The following TBC1D22A variants were observed in gnomAD, a reference collection of about 807,000 sequenced individuals.
TBC1D22A encodes the protein TBC1 domain family member 22A, also known as putative GTPase activator.
In TBC1D22A, 38 loss-of-function variants were observed where a neutral mutation model predicts 60.2. That is an observed-to-expected ratio of 0.63 (90% CI 0.49 to 0.83). TBC1D22A has a LOEUF of 0.83. TBC1D22A is among the 40% of genes least tolerant of loss of function. The pLI, the probability that TBC1D22A is intolerant of heterozygous loss-of-function variation, is 0.00. For missense variants in TBC1D22A, 628 were observed against 701.0 expected, an observed-to-expected ratio of 0.90 and a Z score of 1.18; for synonymous variants, 302 against 281.7, an observed-to-expected ratio of 1.07 and a Z score of -0.72.
Position 47,103,031 on chromosome 22 carries a change from CT to C in TBC1D22A, c.1330-8475del, listed in dbSNP as rs149223497. ...TATTTAAAAGGAAAGACACACATTTCTTCCCCCCTCTCCCAAACCCTCACCC... is the reference window on the plus strand; with the variant it reads ...TATTTAAAAGGAAAGACACACATTTCTCCCCCCTCTCCCAAACCCTCACCC... On this transcript the variant is annotated intron_variant, in intron 11 of 12. Transcript: ENST00000337137. 3.2e-3 allele frequency among the ~76,000 whole-genome samples: 486 copies of C among 152,280 alleles called. 1 individual carries two copies. The highest frequency in any genetic ancestry group is 6.8e-3 in the Middle Eastern group (2 of 294).
At chr22:46,827,513 A>G (rs1025341507) in intron 4 of TBC1D22A, among the ~76,000 whole-genome samples, 2 of 152,170 alleles carry the variant, frequency 1.3e-5, no homozygotes, top group African/African-American at 4.8e-5. Context: ...TACCTTTTGA[A>G]CATGCGTGTA....
intron 4 of TBC1D22A, among the ~76,000 whole-genome samples, chr22:46,858,565 C>G (rs1439493692): frequency 6.6e-6 from 1 of 152,208 alleles, no homozygotes; most frequent in South Asian, 2.1e-4. Context: ...GCATGCCATC[C>G]GTGTTCCTGC....
intron 8 of TBC1D22A, among the ~76,000 whole-genome samples, chr22:46,973,730 T>G (rs2074172957): frequency 6.6e-6 from 1 of 152,236 alleles, no homozygotes; most frequent in Admixed American, 6.5e-5. Flanking sequence ...TTGTGTTTTC[T>G]CATTCGGTTT....
At chr22:46,931,190 CT>C (rs1398581318) in intron 8 of TBC1D22A, among the ~76,000 whole-genome samples, 1 of 152,194 alleles carries the variant, frequency 6.6e-6, no homozygotes, top group African/African-American at 2.4e-5. Flanking sequence ...CATTATCTGG[CT>C]TTTCTTAATG....
In TBC1D22A at chr22:46,833,626, A is replaced by G. The variant is rs145705433; in HGVS notation, c.637+36006A>G. Among the ~76,000 whole-genome samples the G allele has an allele frequency of 4.0e-3, 604 of 152,344 alleles. 3 individuals are homozygous for G. Among genetic ancestry groups the G allele is most frequent in the African/African-American group, 0.014 (585 of 41,578 alleles). ...AATATTCAAAGGAAGGGAGGAACAC[A>G]TCTGGCTGGAGTGATCAGGAACATT... On this transcript the variant is annotated intron_variant, in intron 4 of 12. Transcript: ENST00000337137.
At chr22:46,792,887 C>T (rs1016791287) in intron 2 of TBC1D22A, 49 of 1,420,566 alleles carry the variant, frequency 3.4e-5, no homozygotes, top group African/African-American at 5.8e-5. Flanking sequence ...GCTGGCTTGT[C>T]CTTTCCCCTC....
At chr22:46,896,045 A>T (rs780625029) in intron 7 of TBC1D22A, among the ~76,000 whole-genome samples, 1 of 151,550 alleles carries the variant, frequency 6.6e-6, no homozygotes, top group African/African-American at 2.4e-5. Flanking sequence ...ATGCTGTGGG[A>T]CTTCCTGTTT....
chr22:47,136,558 G>T (rs557035955), intron 12 of TBC1D22A, among the ~76,000 whole-genome samples: 1 of 152,224 alleles, frequency 6.6e-6, no homozygotes, highest in East Asian at 1.9e-4. Flanking sequence ...ACCCGGGGAC[G>T]GGGGACCAGG....
At chr22:47,074,409 TG>T (rs1261332762) in intron 11 of TBC1D22A, among the ~76,000 whole-genome samples, 3 of 152,214 alleles carry the variant, frequency 2.0e-5, no homozygotes, top group Non-Finnish European at 4.4e-5. Context: ...CCATGACAAC[TG>T]AGGAGGTGCT....
At chr22:47,064,170 C>T (rs1016475067) in intron 11 of TBC1D22A, among the ~76,000 whole-genome samples, 3 of 152,238 alleles carry the variant, frequency 2.0e-5, no homozygotes, top group Admixed American at 6.5e-5. Flanking sequence ...AGGGCTGATG[C>T]GTTGCCGTTG....
rs902208016 is a variant in TBC1D22A at position 46,935,599 on chromosome 22, C to G, written c.1015+23411C>G. Among the ~76,000 whole-genome samples the G allele has an allele frequency of 3.3e-5, 5 of 152,340 alleles. No individual in the cohort carries two copies. The East Asian group carries it at 9.7e-4, about 29-fold the overall frequency. On this transcript the variant is annotated intron_variant, in intron 8 of 12. Transcript: ENST00000337137. The stretch of plus-strand genomic sequence containing the variant: ...TCTCCCTGTGATTCCGTCTCGCCCC[C>G]CTCCTTTCCGAGTCTAGGAGTCTTG...
intron 12 of TBC1D22A, among the ~76,000 whole-genome samples, chr22:47,141,934 C>T (rs138461048): frequency 5.3e-4 from 80 of 152,254 alleles, no homozygotes; most frequent in African/African-American, 1.7e-3. Flanking sequence ...TGGCATGAAA[C>T]GTATTTGGAT....
chr22:46,768,028 G>A (rs1214370132), intron 1 of TBC1D22A: 1 of 152,852 alleles, frequency 6.5e-6, no homozygotes, highest in East Asian at 1.9e-4. Flanking sequence ...GGATATCTTT[G>A]GCTGCTGTAC....
intron 12 of TBC1D22A, among the ~76,000 whole-genome samples, chr22:47,133,514 G>A (rs738665): frequency 0.73 from 110,742 of 152,176 alleles, 40,676 homozygotes; most frequent in East Asian, 0.97. Flanking sequence ...TCCCAATGCC[G>A]TTGTGAAATT....
intron 4 of TBC1D22A, among the ~76,000 whole-genome samples, chr22:46,857,977 C>T (rs1172115324): frequency 6.6e-6 from 1 of 152,062 alleles, no homozygotes; most frequent in African/African-American, 2.4e-5. Flanking sequence ...TTTCCTTTCT[C>T]TCGGGGATAT....
At chr22:46,789,051 T>C (rs1569033495) in intron 1 of TBC1D22A, 1 of 163,458 alleles carries the variant, frequency 6.1e-6, no homozygotes, top group Non-Finnish European at 1.3e-5. Context: ...CGTGCTGTTT[T>C]GTTTGTCTCA....
At chr22:47,022,642 G>A (rs1009028829) in intron 10 of TBC1D22A, among the ~76,000 whole-genome samples, 5 of 152,152 alleles carry the variant, frequency 3.3e-5, no homozygotes, top group Non-Finnish European at 7.4e-5. Flanking sequence ...ATCAATGCAC[G>A]GATGTGAGGT....
At chr22:47,076,359 G>GTATATATA (rs1375339824) in intron 11 of TBC1D22A, among the ~76,000 whole-genome samples, 15 of 85,170 alleles carry the variant, frequency 1.8e-4, no homozygotes, top group African/African-American at 5.2e-4. Flanking sequence ...ATATATGTGT[G>GTATATATA]TGTATATATA....
chr22:46,799,398 T>A (rs2084800014), intron 4 of TBC1D22A, among the ~76,000 whole-genome samples: 1 of 152,222 alleles, frequency 6.6e-6, no homozygotes, highest in Admixed American at 6.5e-5. Context: ...TCCCTTTACC[T>A]CTGAAACCTT....
Sources: allele counts gnomAD v4.1 joint callset (sites outside exome capture counted in the v4.1 genomes callset), GRCh38; gene constraint gnomAD v4.1.1; transcripts MANE v1.5; gene names NCBI Gene and HGNC (gene_info 2026-07-23, HGNC 2026-07-21).